GSE1: variants seen among roughly 807,000 people sequenced by gnomAD.
GSE1 encodes the protein genetic suppressor element 1.
GSE1 carries 32 observed loss-of-function variants against 112.6 expected under a neutral mutation model. The ratio of observed to expected loss-of-function variants is 0.28; its 90% CI spans 0.21 to 0.38. GSE1 has a LOEUF of 0.38. Ranked by LOEUF, GSE1 falls within the 10% of genes least tolerant of loss-of-function variation. The probability of loss-of-function intolerance (pLI) is 1.00; values close to 1 mark genes in which losing one functional copy is unlikely to be tolerated. For synonymous variants in GSE1, 1,115 were observed against 735.6 expected (o/e 1.52, Z -8.35); for missense variants, 2,348 against 1,699.2 (o/e 1.38, Z -6.71).
At chr16:85,414,642 A>G (rs537147186) in intron 2 of GSE1, among the ~76,000 whole-genome samples, 2 of 152,158 alleles carry the variant, frequency 1.3e-5, no homozygotes, top group East Asian at 1.9e-4. Context: ...CTAGTTATTT[A>G]TTTATTTCTT....
intron 2 of GSE1, among the ~76,000 whole-genome samples, chr16:85,511,835 G>GGA: frequency 6.6e-6 from 1 of 152,174 alleles, no homozygotes; most frequent in Admixed American, 6.5e-5. Context: ...AGAGGGAGCA[G>GGA]GGCCCTGCCT....
At chr16:85,247,801 AG>A (rs1490348289) in intron 1 of GSE1, among the ~76,000 whole-genome samples, 1 of 152,188 alleles carries the variant, frequency 6.6e-6, no homozygotes, top group African/African-American at 2.4e-5. Context: ...GGGACATGCC[AG>A]GGGGCTGGTC....
chr16:85,461,926 C>T (rs2049980115), intron 2 of GSE1, among the ~76,000 whole-genome samples: 1 of 152,184 alleles, frequency 6.6e-6, no homozygotes, highest in Non-Finnish European at 1.5e-5. Context: ...CCTCCCAGCC[C>T]ATGGCTCTCA....
intron 2 of GSE1, among the ~76,000 whole-genome samples, chr16:85,401,608 A>G (rs1396242904): frequency 6.6e-6 from 1 of 152,140 alleles, no homozygotes; most frequent in African/African-American, 2.4e-5. Context: ...GGTGAGGGCC[A>G]ACACTCTGCC....
chr16:85,606,712 CTTCCCAGGAT>C (rs1017013634), upstream of GSE1, among the ~76,000 whole-genome samples: 1 of 152,226 alleles, frequency 6.6e-6, no homozygotes, highest in Non-Finnish European at 1.5e-5. Context: ...GACGCAAGCT[CTTCCCAGGAT>C]TTCAGACACC....
At chr16:85,411,661 C>T (rs149367825) in intron 2 of GSE1, among the ~76,000 whole-genome samples, 1 of 2,490 alleles carries the variant, frequency 4.0e-4, no homozygotes, top group Non-Finnish European at 2.8e-3. Context: ...AATCCTCACT[C>T]TTACACTCAG....
chr16:85,587,838 G>A (rs1460299784), intron 1 of GSE1, among the ~76,000 whole-genome samples: 2 of 152,086 alleles, frequency 1.3e-5, no homozygotes, highest in East Asian at 3.9e-4. Context: ...CCGGACCCTT[G>A]GGCCCCCTCC....
chr16:85,647,356 C>T (rs536931087), intron 2 of GSE1, among the ~76,000 whole-genome samples: 290 of 152,306 alleles, frequency 1.9e-3, no homozygotes, highest in Non-Finnish European at 3.2e-3. Context: ...GGGCGAGTTC[C>T]GGGGTAGGTC....
At chr16:85,287,052 C>T (rs1306077101) in intron 1 of GSE1, among the ~76,000 whole-genome samples, 1 of 152,240 alleles carries the variant, frequency 6.6e-6, no homozygotes, top group Non-Finnish European at 1.5e-5. Flanking sequence ...TCTCCAGCGC[C>T]TCTGGCCTCC....
chr16:85,290,178 C>T (rs1172017049), intron 1 of GSE1, among the ~76,000 whole-genome samples: 2 of 152,156 alleles, frequency 1.3e-5, no homozygotes, highest in Non-Finnish European at 2.9e-5. Flanking sequence ...GAAGGGTCGT[C>T]CCCTTTGTGG....
chr16:85,382,705 C>T (rs532577048), intron 2 of GSE1, among the ~76,000 whole-genome samples: 2 of 151,802 alleles, frequency 1.3e-5, no homozygotes, highest in African/African-American at 4.8e-5. Context: ...GAGCATGGCA[C>T]CTCACACATG....
chr16:85,394,835 C>T (rs1444997000), intron 2 of GSE1, among the ~76,000 whole-genome samples: 1 of 152,166 alleles, frequency 6.6e-6, no homozygotes, highest in Non-Finnish European at 1.5e-5. Flanking sequence ...CCATGCCAGC[C>T]CTGGCTCCTT....
At chr16:85,442,817 C>T (rs1183359419) in intron 2 of GSE1, among the ~76,000 whole-genome samples, 4 of 152,192 alleles carry the variant, frequency 2.6e-5, no homozygotes, top group African/African-American at 4.8e-5. Context: ...ATGCATCTCT[C>T]ACGGTTCCAG....
At chr16:85,293,433 C>T (rs2045279395) in intron 1 of GSE1, among the ~76,000 whole-genome samples, 1 of 152,122 alleles carries the variant, frequency 6.6e-6, no homozygotes, top group Non-Finnish European at 1.5e-5. Flanking sequence ...GTAATCCCAG[C>T]AACTCGGGAG....
At chr16:85,614,793 G>A (rs902019362) in intron 1 of GSE1, among the ~76,000 whole-genome samples, 1 of 152,368 alleles carries the variant, frequency 6.6e-6, no homozygotes, top group Non-Finnish European at 1.5e-5. Context: ...GGGCCTGAGG[G>A]GTAGCGGCCA....
intron 1 of GSE1, among the ~76,000 whole-genome samples, chr16:85,563,885 T>C (rs543405470): frequency 1.3e-5 from 2 of 152,350 alleles, no homozygotes; most frequent in Non-Finnish European, 2.9e-5. Flanking sequence ...TGTGCCACTG[T>C]GGCGAGCTAG....
intron 2 of GSE1, among the ~76,000 whole-genome samples, chr16:85,506,574 TG>T (rs2051541178): frequency 6.6e-6 from 1 of 151,910 alleles, no homozygotes; most frequent in African/African-American, 2.4e-5. Flanking sequence ...GTTTTGAGGA[TG>T]GAAGAGGAGG....
chr16:85,233,855 G>A (rs1354352200), intron 1 of GSE1, among the ~76,000 whole-genome samples: 1 of 152,118 alleles, frequency 6.6e-6, no homozygotes, highest in African/African-American at 2.4e-5. Flanking sequence ...GAGGTGTAGG[G>A]AGCCCCTTTG....
chr16:85,632,129 G>A lies in GSE1; in HGVS notation c.8-1785G>A, dbSNP rs186236425. On this transcript the variant is annotated intron_variant, in intron 1 of 15. Transcript: ENST00000253458. ...GGTTGAAGCGGCCTTGGAAAGGCAG[G>A]ATGGGGGTGCAGGTCCCCCTCCACC... Among the ~76,000 whole-genome samples the A allele has an allele frequency of 2.9e-3, 437 of 152,340 alleles. 1 individual carries two copies. Among genetic ancestry groups the A allele is most frequent in the Non-Finnish European group, 5.1e-3 (346 of 68,020 alleles).
Sources: gnomAD v4.1 joint callset for allele counts (sites outside exome capture counted in the v4.1 genomes callset) on GRCh38, gnomAD v4.1.1 for gene constraint, MANE v1.5 for transcripts, NCBI Gene and HGNC (gene_info 2026-07-23, HGNC 2026-07-21) for gene names.